PCDHGB3: variants seen among roughly 807,000 people sequenced by gnomAD.
PCDHGB3 encodes the protein protocadherin gamma-B3.
PCDHGB3 carries 40 observed loss-of-function variants against 59.2 expected under a neutral mutation model. The observed-to-expected ratio is 0.68, with a 90% confidence interval of 0.52 to 0.88. The LOEUF is 0.88. Among genes scored for constraint, PCDHGB3 ranks in the 40% least tolerant of loss-of-function variants. The probability of loss-of-function intolerance (pLI) is 0.00; values close to 1 mark genes in which losing one functional copy is unlikely to be tolerated. For missense variants in PCDHGB3, 1,309 were observed against 1,187.9 expected, an observed-to-expected ratio of 1.10 and a Z score of -1.50; for synonymous variants, 581 against 503.6, an observed-to-expected ratio of 1.15 and a Z score of -2.06.
chr5:141,420,683 G>A (rs1308504595), intron 1 of PCDHGB3, among the ~76,000 whole-genome samples: 1 of 152,190 alleles, frequency 6.6e-6, no homozygotes, highest in Non-Finnish European at 1.5e-5. Context: ...ATTTTATCGG[G>A]ACCGTATTAT....
chr5:141,376,171 G>A (rs758847977), intron 1 of PCDHGB3: 1 of 1,614,096 alleles, frequency 6.2e-7, no homozygotes, highest in Non-Finnish European at 8.5e-7. Context: ...TGGTGGTGGC[G>A]GTGGCCGCGG....
chr5:141,372,343 G>A lies in PCDHGB3; in HGVS notation c.1949G>A (p.Gly650Glu). ...CTGCTGGTCACTGTGCGTGATGGAG[G>A]ACAGCAGCCTCTTTCAGCCACCGTC... The part of the protein sequence containing the change: ...QRLLVTVRDG[G>E]QQPLSATVML... The change falls in exon 1 of 4, where the codon GGA becomes GAA. Residue 650 changes from glycine to glutamate, a missense_variant. Physicochemically the swap from Gly to Glu is moderately conservative, Grantham distance 98. Transcript: ENST00000576222. 1 of 1,613,790 alleles carries A rather than the reference G, an allele frequency of 6.2e-7. No homozygotes were observed. Among genetic ancestry groups the A allele is most frequent in the Non-Finnish European group, 8.5e-7 (1 of 1,179,908 alleles).
Position 141,511,380 on chromosome 5 carries a change from C to T in PCDHGB3, c.*207C>T, listed in dbSNP as rs896762148. 1.5e-5 allele frequency: 18 copies of T among 1,170,372 alleles called. No homozygotes were observed. The highest frequency in any genetic ancestry group is 3.0e-4 in the Middle Eastern group (1 of 3,384). 72.5% of individuals were successfully genotyped at this position (1,170,372 alleles called of 1,614,324 possible). ...GGGGTTGAATATGCAAAAGCAGTTC[C>T]GCTGGGAACCCCCATCCAATCAACT... is the stretch of plus-strand genomic sequence containing the variant. On this transcript the variant is annotated 3_prime_UTR_variant, in exon 4 of 4. Coordinates refer to ENST00000576222, the MANE Select transcript of PCDHGB3 (RefSeq NM_018924.5).
intron 1 of PCDHGB3, chr5:141,391,145 G>A (rs1212141265): frequency 6.6e-6 from 1 of 152,000 alleles, no homozygotes; most frequent in African/African-American, 2.4e-5. Flanking sequence ...CTACCTCTAG[G>A]AAAGAAATAT....
At chr5:141,445,118 G>A (rs964726987) in intron 1 of PCDHGB3, among the ~76,000 whole-genome samples, 1 of 152,148 alleles carries the variant, frequency 6.6e-6, no homozygotes, top group Non-Finnish European at 1.5e-5. Flanking sequence ...ATTGTAAATA[G>A]TATTTTTAAA....
Position 141,472,217 on chromosome 5 carries a change from C to T in PCDHGB3, c.2416-22590C>T, listed in dbSNP as rs181908144. On this transcript the variant is annotated intron_variant, in intron 1 of 3. Transcript: ENST00000576222. ...CTTTTTGACACTAAGACCTTACTCTCGATCATATAATACATTCACTTTCTA... is the reference window on the plus strand; with the variant it reads ...CTTTTTGACACTAAGACCTTACTCTTGATCATATAATACATTCACTTTCTA... Among the ~76,000 whole-genome samples the T allele has an allele frequency of 3.1e-4, 47 of 152,234 alleles. 1 individual carries two copies. The highest frequency in any genetic ancestry group is 1.1e-3 in the African/African-American group (44 of 41,538).
intron 1 of PCDHGB3, among the ~76,000 whole-genome samples, chr5:141,455,769 C>T (rs1371335785): frequency 2.6e-5 from 4 of 152,014 alleles, no homozygotes; most frequent in Admixed American, 2.6e-4. Flanking sequence ...AGAGCCGGGG[C>T]TTTAAAAGAA....
intron 1 of PCDHGB3, among the ~76,000 whole-genome samples, chr5:141,386,313 A>G (rs2090530914): frequency 6.6e-6 from 1 of 152,156 alleles, no homozygotes; most frequent in Non-Finnish European, 1.5e-5. Context: ...TCAGTATATC[A>G]AGTGATTGTC....
intron 1 of PCDHGB3, among the ~76,000 whole-genome samples, chr5:141,407,497 G>GTTTTTTTTTTTTTT (rs1554102286): frequency 6.6e-6 from 1 of 152,090 alleles, no homozygotes; most frequent in African/African-American, 2.4e-5. Context: ...CTTTATTTCT[G>GTTTTTTTTTTTTTT]TTTTTCTTAG....
intron 1 of PCDHGB3, among the ~76,000 whole-genome samples, chr5:141,433,999 A>G (rs1471657184): frequency 6.6e-6 from 1 of 152,070 alleles, no homozygotes; most frequent in Admixed American, 6.6e-5. Context: ...TATATTCTCT[A>G]TATATGTTTG....
At chr5:141,398,993 G>A (rs1438560245) in intron 1 of PCDHGB3, 2 of 1,613,944 alleles carry the variant, frequency 1.2e-6, no homozygotes, top group Admixed American at 1.7e-5. Flanking sequence ...CAAATCTTTA[G>A]TCTGAATTCA....
chr5:141,461,323 T>C (rs2099013372), intron 1 of PCDHGB3, among the ~76,000 whole-genome samples: 1 of 152,176 alleles, frequency 6.6e-6, no homozygotes, highest in African/African-American at 2.4e-5. Context: ...TTTTTAATAA[T>C]GGCCATTCTT....
intron 1 of PCDHGB3, chr5:141,418,730 G>A (rs371887408): frequency 6.2e-6 from 10 of 1,613,832 alleles, no homozygotes; most frequent in African/African-American, 1.3e-5. Context: ...AGCTCAGCAC[G>A]TGTTCTCTCT....
intron 1 of PCDHGB3, chr5:141,409,411 AC>A (rs1172458730): frequency 6.2e-7 from 1 of 1,614,004 alleles, no homozygotes; most frequent in African/African-American, 1.3e-5. Flanking sequence ...ACTACTACAA[AC>A]TGGTGACAGA....
rs543179504 is a variant in PCDHGB3, at chr5:141,381,358, A to G, written c.2415+8549A>G. ...AGCTTTCTTTTCTTTCTGCTAGCAG[A>G]GGGTAGCCTCGGATCCATCAATAAT... is the stretch of plus-strand genomic sequence containing the variant. On this transcript the variant is annotated intron_variant, in intron 1 of 3. Coordinates refer to ENST00000576222, the MANE Select transcript of PCDHGB3 (RefSeq NM_018924.5). Among the ~76,000 whole-genome samples the G allele has an allele frequency of 4.6e-5, 7 of 152,330 alleles. No individual in the cohort carries two copies. In the South Asian group the frequency reaches 1.4e-3, roughly 32 times the overall value.
chr5:141,399,642 G>T lies in PCDHGB3; in HGVS notation c.2415+26833G>T. 1.9e-6 allele frequency: 3 copies of T among 1,613,750 alleles called. 1 individual carries two copies. Among genetic ancestry groups the T allele is most frequent in the Non-Finnish European group, 2.5e-6 (3 of 1,179,856 alleles). ...TGGCCTCTTACGTGTCCATGAGCGC[G>T]CAAAGTGGGGTGGTGTTCGCGCAGC... On this transcript the variant is annotated intron_variant, in intron 1 of 3. Transcript: ENST00000576222.
intron 1 of PCDHGB3, chr5:141,373,843 C>T (rs1769882527): frequency 2.3e-6 from 1 of 442,614 alleles, no homozygotes; most frequent in Non-Finnish European, 4.0e-6. Flanking sequence ...AGTTAGGACT[C>T]TAAGCGTCGC....
chr5:141,465,429 A>G (rs1191638112), intron 1 of PCDHGB3, among the ~76,000 whole-genome samples: 2 of 152,316 alleles, frequency 1.3e-5, no homozygotes, highest in East Asian at 3.9e-4. Context: ...AAAGGTGGGC[A>G]CTTAATGATT....
intron 1 of PCDHGB3, among the ~76,000 whole-genome samples, chr5:141,447,744 T>G (rs1020767891): frequency 3.4e-4 from 51 of 152,206 alleles, no homozygotes; most frequent in African/African-American, 1.2e-3. Context: ...CTTAAGAGTC[T>G]TGCATGTGAC....
Sources: allele counts gnomAD v4.1 joint callset (sites outside exome capture counted in the v4.1 genomes callset), GRCh38; gene constraint gnomAD v4.1.1; transcripts MANE v1.5; gene names NCBI Gene and HGNC (gene_info 2026-07-23, HGNC 2026-07-21).